TNRC6C: variants seen among roughly 807,000 people sequenced by gnomAD.
TNRC6C encodes the protein trinucleotide repeat containing adaptor 6C, also known as trinucleotide repeat-containing gene 6C protein.
Under a neutral mutation model 153.7 loss-of-function variants are expected in TNRC6C, and 20 were observed. That is an observed-to-expected ratio of 0.13 (90% CI 0.09 to 0.19). The LOEUF is 0.19. Ranked by LOEUF, TNRC6C falls within the 10% of genes least tolerant of loss-of-function variation. TNRC6C has a pLI of 1.00. For synonymous variants in TNRC6C, 811 were observed against 841.4 expected (o/e 0.96, Z 0.63); for missense variants, 1,987 against 2,172.0 (o/e 0.91, Z 1.69).
At chr17:77,997,589 C>A (rs752443372) in intron 1 of TNRC6C, among the ~76,000 whole-genome samples, 20 of 152,136 alleles carry the variant, frequency 1.3e-4, no homozygotes, top group Non-Finnish European at 1.9e-4. Flanking sequence ...CAGGGTGGAG[C>A]GGAGGCATGA....
intron 1 of TNRC6C, among the ~76,000 whole-genome samples, chr17:78,028,111 G>T (rs1231134557): frequency 6.6e-6 from 1 of 152,090 alleles, no homozygotes; most frequent in Non-Finnish European, 1.5e-5. Context: ...TGTTAGTCAG[G>T]ATGGTCTCGA....
intron 1 of TNRC6C, 65 bp downstream of exon 3, chr17:78,005,144 A>G (rs2143205023): frequency 8.9e-7 from 1 of 1,121,012 alleles, no homozygotes; most frequent in South Asian, 4.5e-5. Flanking sequence ...GACCAGGATG[A>G]CTTTTTTTTT....
intron 1 of TNRC6C, among the ~76,000 whole-genome samples, chr17:78,007,225 C>T (rs940389137): frequency 1.3e-5 from 2 of 152,152 alleles, no homozygotes; most frequent in African/African-American, 4.8e-5. Flanking sequence ...AATACTGTTC[C>T]TTTGGGTACA....
intron 8 of TNRC6C, 58 bp from the exon 11 acceptor site, chr17:78,077,127 T>G (rs970411684): frequency 6.5e-7 from 1 of 1,537,188 alleles, no homozygotes; most frequent in African/African-American, 1.4e-5. Flanking sequence ...GGAAACTGTT[T>G]GGTGCTTTGT....
intron 1 of TNRC6C, among the ~76,000 whole-genome samples, chr17:77,976,944 A>G (rs1363147287): frequency 1.3e-5 from 2 of 150,366 alleles, no homozygotes; most frequent in Non-Finnish European, 3.0e-5. Context: ...AAAAAAAAAA[A>G]AAAAAAAAAA....
chr17:77,976,948 A>AC (rs1463898200), intron 1 of TNRC6C, among the ~76,000 whole-genome samples: 6 of 150,866 alleles, frequency 4.0e-5, no homozygotes, highest in African/African-American at 1.2e-4. Flanking sequence ...AAAAAAAAAA[A>AC]AAAAAAAAAA....
intron 2 of TNRC6C, among the ~76,000 whole-genome samples, chr17:78,046,429 C>T (rs1320402185): frequency 3.3e-5 from 5 of 152,104 alleles, no homozygotes; most frequent in African/African-American, 9.7e-5. Context: ...CCACCTGCCT[C>T]GGCCTCCCAA....
rs371862754 is a variant in TNRC6C, at chr17:78,093,043, G to A, written c.4081G>A (p.Val1361Ile). Residue 1361 changes from valine to isoleucine, a missense_variant, in exon 15 of 20, where the codon GTA becomes ATA. Around this residue, in one of 4 missense-constraint regions of TNRC6C, gnomAD observed 765 missense variants for 908.6 expected, o/e 0.84. Transcript: ENST00000301624. Reference sequence around the variant, plus strand: ...CAGTGAGTCACCAGCCAGTCCTCCCGTAGCTGTTCCCCATAGCTGGTCACG... The same window carrying A: ...CAGTGAGTCACCAGCCAGTCCTCCCATAGCTGTTCCCCATAGCTGGTCACG... The A allele has an allele frequency of 5.0e-5, 81 of 1,613,682 alleles. No homozygotes were observed. Among genetic ancestry groups the A allele is most frequent in the Admixed American group, 6.7e-5 (4 of 59,984 alleles).
chr17:77,984,130 TG>T (rs1251602650), intron 1 of TNRC6C, among the ~76,000 whole-genome samples: 2 of 152,164 alleles, frequency 1.3e-5, no homozygotes, highest in Non-Finnish European at 2.9e-5. Flanking sequence ...ATACAGGAGA[TG>T]GGCACTGTAG....
chr17:78,093,590 T>C, intron 15 of TNRC6C, 30 bp from the exon 18 acceptor site: 2 of 1,612,910 alleles, frequency 1.2e-6, no homozygotes, highest in Non-Finnish European at 1.7e-6. Context: ...TGTTCTGATC[T>C]GTGGCTTCTC....
chr17:78,050,595 C>T (rs72894058), exon 3 of TNRC6C: 29 of 1,588,872 alleles, frequency 1.8e-5, no homozygotes, highest in Middle Eastern at 3.4e-4. Context: ...GGTGGGTCAA[C>T]GCGCCACCTG....
At chr17:77,987,375 T>A (rs1460840129) in intron 1 of TNRC6C, among the ~76,000 whole-genome samples, 1 of 152,224 alleles carries the variant, frequency 6.6e-6, no homozygotes, top group East Asian at 1.9e-4. Context: ...CACACTTGTA[T>A]TCAGCTAATA....
intron 1 of TNRC6C, among the ~76,000 whole-genome samples, chr17:77,959,770 G>A (rs1006854511): frequency 4.6e-5 from 7 of 152,152 alleles, no homozygotes; most frequent in Non-Finnish European, 7.4e-5. Context: ...CGGTGCTGCG[G>A]ACTGCGGAGT....
chr17:78,085,706 A>G lies in TNRC6C; in HGVS notation c.3478-797A>G, dbSNP rs768297518. 3.2e-4 allele frequency among the ~76,000 whole-genome samples: 48 copies of G among 152,138 alleles called. 1 individual carries two copies. The highest frequency in any genetic ancestry group is 9.9e-4 in the African/African-American group (41 of 41,426). ...AGGTTCTCTCTTAGCTTTCATTCCC[A>G]TGATGTTAGGGAGATAACCACGTTG... On this transcript the variant is annotated intron_variant, in intron 11 of 19. Transcript: ENST00000301624.
chr17:78,073,112 C>T lies in TNRC6C; in HGVS notation c.2917+18C>T. The T allele has an allele frequency of 6.5e-7, 1 of 1,547,128 alleles. No homozygotes were observed. The highest frequency in any genetic ancestry group is 8.7e-7 in the Non-Finnish European group (1 of 1,143,982). ...GGCCATGAGTAAGTCATACAACATC[C>T]TTTTTAAAAAGGTACCCAGCTGTGA... On this transcript the variant is annotated intron_variant, in intron 7 of 19. Coordinates refer to ENST00000301624, the Ensembl canonical transcript of TNRC6C.
chr17:77,970,793 TA>T (rs1364280812), intron 1 of TNRC6C, among the ~76,000 whole-genome samples: 3 of 152,064 alleles, frequency 2.0e-5, no homozygotes, highest in African/African-American at 7.2e-5. Flanking sequence ...CTGGTATAGA[TA>T]AAAGCAGGTA....
chr17:77,973,965 G>T (rs986191395), intron 1 of TNRC6C, among the ~76,000 whole-genome samples: 4 of 140,208 alleles, frequency 2.9e-5, no homozygotes, highest in Admixed American at 2.3e-4. Flanking sequence ...GGCTTTTGTT[G>T]TTGTTGTTGT....
At chr17:78,068,173 T>C (rs1395176275) in intron 5 of TNRC6C, among the ~76,000 whole-genome samples, 1 of 152,226 alleles carries the variant, frequency 6.6e-6, no homozygotes, top group East Asian at 1.9e-4. Flanking sequence ...AGAACTTTAT[T>C]GTAGCAGAGA....
At chr17:78,051,144 G>C in exon 3 of TNRC6C, 1 of 1,577,180 alleles carries the variant, frequency 6.3e-7, no homozygotes. Context: ...GGTGGATCGG[G>C]GGGCCGGTAC....
Sources: gnomAD v4.1 joint callset for allele counts (sites outside exome capture counted in the v4.1 genomes callset) on GRCh38, gnomAD v4.1.1 for gene constraint, gnomAD v4.1.1 regional missense constraint, MANE v1.5 for transcripts, NCBI Gene and HGNC (gene_info 2026-07-23, HGNC 2026-07-21) for gene names.